Variants in BTBD9 observed in about 807,000 individuals in gnomAD.
The protein encoded by BTBD9 is BTB domain containing 9.
In BTBD9, 49 loss-of-function variants were observed where a neutral mutation model predicts 64.3. That is an observed-to-expected ratio of 0.76 (90% CI 0.61 to 0.97). The LOEUF is 0.97. BTBD9 is among the 50% of genes least tolerant of loss of function. The probability of loss-of-function intolerance (pLI) is 0.00; values close to 1 mark genes in which losing one functional copy is unlikely to be tolerated. For missense variants in BTBD9, 598 were observed against 762.1 expected (o/e 0.78, Z 2.53); for synonymous variants, 260 against 274.7 (o/e 0.95, Z 0.53).
intron 6 of BTBD9, among the ~76,000 whole-genome samples, chr6:38,528,212 T>C (rs1351677849): frequency 6.6e-6 from 1 of 152,074 alleles, no homozygotes; most frequent in East Asian, 1.9e-4. Flanking sequence ...TTGGCACCTA[T>C]CAGAGGGAGC....
At chr6:38,339,374 G>T (rs989103505) in intron 7 of BTBD9, among the ~76,000 whole-genome samples, 1 of 152,156 alleles carries the variant, frequency 6.6e-6, no homozygotes, top group Admixed American at 6.6e-5. Context: ...ACCAAGTGTG[G>T]TGGTATGTGC....
chr6:38,557,982 AC>A (rs1266011183), intron 6 of BTBD9, among the ~76,000 whole-genome samples: 5 of 151,848 alleles, frequency 3.3e-5, no homozygotes, highest in African/African-American at 1.2e-4. Context: ...TGTTTAACGA[AC>A]TCTTGGTGGT....
chr6:38,463,812 G>A (rs531363850), intron 6 of BTBD9, among the ~76,000 whole-genome samples: 5 of 152,210 alleles, frequency 3.3e-5, no homozygotes, highest in South Asian at 4.2e-4. Context: ...CAGGTAGGTC[G>A]CTTGAGTCCA....
intron 2 of BTBD9, chr6:38,595,967 C>T (rs1777016502): frequency 2.0e-6 from 2 of 985,266 alleles, no homozygotes; most frequent in African/African-American, 3.5e-5. Context: ...TTTGATGAGG[C>T]TCCCTTGGAA....
intron 1 of BTBD9, among the ~76,000 whole-genome samples, chr6:38,625,583 G>C (rs1233869240): frequency 6.6e-6 from 1 of 152,200 alleles, no homozygotes; most frequent in Non-Finnish European, 1.5e-5. Flanking sequence ...AATTTGCTAA[G>C]AGGGAGTAAT....
At chr6:38,581,713 T>G (rs193209763) in intron 4 of BTBD9, among the ~76,000 whole-genome samples, 1 of 152,316 alleles carries the variant, frequency 6.6e-6, no homozygotes, top group African/African-American at 2.4e-5. Flanking sequence ...TGCATCACTT[T>G]GAAGAAGTTT....
intron 8 of BTBD9, among the ~76,000 whole-genome samples, chr6:38,265,152 C>T (rs1003541966): frequency 1.3e-5 from 2 of 151,784 alleles, no homozygotes; most frequent in South Asian, 2.1e-4. Flanking sequence ...CAGAAGCTCT[C>T]GGGTGTGTGG....
In BTBD9 at chr6:38,184,362, C is replaced by T. The variant is rs1249592086; in HGVS notation, c.1641+8157G>A. 6.6e-6 allele frequency among the ~76,000 whole-genome samples: 1 copy of T among 152,216 alleles called. No homozygotes were observed. The highest frequency in any genetic ancestry group is 1.5e-5 in the Non-Finnish European group (1 of 68,030). On this transcript the variant is annotated intron_variant, in intron 10 of 10. Transcript: ENST00000481247. This position sits in a 1 kb window ranked among gnomAD's most constrained non-coding sequence, Gnocchi z 4.4. ...GGGCCTCCGTGCTGCCATCTGAAAC[C>T]TAAGTTTGTTTCCATTATTTCTATT...
chr6:38,468,282 T>C (rs1248712454), intron 6 of BTBD9, among the ~76,000 whole-genome samples: 3 of 152,218 alleles, frequency 2.0e-5, no homozygotes, highest in Non-Finnish European at 2.9e-5. Flanking sequence ...GCATGGCATA[T>C]TCAAAGTTCT....
chr6:38,294,011 G>C (rs1032561404), intron 7 of BTBD9, among the ~76,000 whole-genome samples: 1 of 152,090 alleles, frequency 6.6e-6, no homozygotes, highest in African/African-American at 2.4e-5. Context: ...AGCATGCAAA[G>C]GATATGAACA....
At chr6:38,331,042 T>C (rs900235928) in intron 7 of BTBD9, among the ~76,000 whole-genome samples, 3 of 152,054 alleles carry the variant, frequency 2.0e-5, no homozygotes, top group Admixed American at 6.5e-5. Context: ...AAATGACTGA[T>C]AGGAATAACT....
rs552653306 is a variant in BTBD9, at chr6:38,428,533, G to T, written c.1155-83440C>A. Reference sequence around the variant, plus strand: ...GCATTTTTTTGGCACACTCTATAAGGTCCTTGAAGACACAGGGTCCATGAC... The same window carrying T: ...GCATTTTTTTGGCACACTCTATAAGTTCCTTGAAGACACAGGGTCCATGAC... On this transcript the variant is annotated intron_variant, in intron 6 of 10. Coordinates refer to ENST00000481247, the MANE Select transcript of BTBD9 (RefSeq NM_001099272.2). Among the ~76,000 whole-genome samples, 5 of 151,348 alleles carry T rather than the reference G, an allele frequency of 3.3e-5. No individual in the cohort carries two copies. In the South Asian group the frequency reaches 1.0e-3, roughly 32 times the overall value.
intron 6 of BTBD9, among the ~76,000 whole-genome samples, chr6:38,429,455 C>CAA (rs201995368): frequency 0.25 from 25,589 of 102,072 alleles, 3,035 homozygotes; most frequent in East Asian, 0.54. Context: ...GACTACGTCT[C>CAA]AAAAAAAAAA....
intron 6 of BTBD9, among the ~76,000 whole-genome samples, chr6:38,357,575 C>A (rs994098550): frequency 1.3e-5 from 2 of 152,186 alleles, no homozygotes; most frequent in Non-Finnish European, 2.9e-5. Flanking sequence ...GCTCCACTCT[C>A]CCCATCCCTT....
chr6:38,496,178 T>C (rs1025557165), intron 6 of BTBD9, among the ~76,000 whole-genome samples: 1 of 152,148 alleles, frequency 6.6e-6, no homozygotes, highest in Non-Finnish European at 1.5e-5. Context: ...CTTTCACACA[T>C]GACTCACACG....
intron 6 of BTBD9, among the ~76,000 whole-genome samples, chr6:38,545,208 C>T (rs141004142): frequency 0.015 from 2,240 of 152,050 alleles, 42 homozygotes; most frequent in African/African-American, 0.05. Context: ...TCTCCTACCT[C>T]AGCCTCCCAA....
At chr6:38,411,646 A>T (rs945959128) in intron 6 of BTBD9, among the ~76,000 whole-genome samples, 17 of 151,762 alleles carry the variant, frequency 1.1e-4, no homozygotes, top group African/African-American at 3.4e-4. Context: ...TATTAAGCAT[A>T]AAAAAAATGC....
At chr6:38,516,160 C>G (rs1358117787) in intron 6 of BTBD9, among the ~76,000 whole-genome samples, 1 of 151,860 alleles carries the variant, frequency 6.6e-6, no homozygotes, top group Non-Finnish European at 1.5e-5. Flanking sequence ...GGGCAGGAAA[C>G]AAGTAACCAA....
intron 9 of BTBD9, among the ~76,000 whole-genome samples, chr6:38,209,001 G>T (rs1006145484): frequency 2.6e-5 from 4 of 152,166 alleles, no homozygotes; most frequent in African/African-American, 9.7e-5. Flanking sequence ...GACATACCTT[G>T]CTGGTTTCCT....
Sources: allele counts gnomAD v4.1 joint callset (sites outside exome capture counted in the v4.1 genomes callset), GRCh38; gene constraint gnomAD v4.1.1; non-coding constraint Gnocchi (gnomAD v3.1); transcripts MANE v1.5; gene names NCBI Gene and HGNC (gene_info 2026-07-23, HGNC 2026-07-21).